The following MAN2B2 variants were observed in gnomAD, a reference collection of about 807,000 sequenced individuals.
The protein encoded by MAN2B2 is mannosidase alpha class 2B member 2.
Under a neutral mutation model 117.1 loss-of-function variants are expected in MAN2B2, and 106 were observed. The ratio of observed to expected loss-of-function variants is 0.90; its 90% CI spans 0.77 to 1.06. The LOEUF (loss-of-function observed/expected upper bound fraction) is 1.06. Among genes scored for constraint, MAN2B2 ranks in the 50% least tolerant of loss-of-function variants. The pLI is 0.00. For missense variants in MAN2B2, 1,326 were observed against 1,381.4 expected (o/e 0.96, Z 0.64); for synonymous variants, 544 against 595.1 (o/e 0.91, Z 1.25).
chr4:6,583,400 A>G (rs1465267225), intron 3 of MAN2B2, among the ~76,000 whole-genome samples: 1 of 152,106 alleles, frequency 6.6e-6, no homozygotes, highest in Non-Finnish European at 1.5e-5. Context: ...TTGCCCTGCT[A>G]AAACCAAGAA....
intron 7 of MAN2B2, among the ~76,000 whole-genome samples, chr4:6,596,425 G>A (rs1311165143): frequency 6.6e-6 from 1 of 152,138 alleles, no homozygotes; most frequent in Admixed American, 6.5e-5. Flanking sequence ...GCAAATCTGG[G>A]CACATCCCAG....
chr4:6,612,523 G>A (rs904102288), intron 15 of MAN2B2, among the ~76,000 whole-genome samples: 2 of 152,244 alleles, frequency 1.3e-5, no homozygotes, highest in Non-Finnish European at 2.9e-5. Flanking sequence ...GGTCCAGACA[G>A]GCATGGGGCA....
chr4:6,614,292 C>G lies in MAN2B2; in HGVS notation c.2638C>G (p.Leu880Val). The G allele has an allele frequency of 2.5e-6, 4 of 1,614,168 alleles. No individual in the cohort carries two copies. In the South Asian group the frequency reaches 3.3e-5, roughly 13 times the overall value. ...GCCCCCGAATCTTCACCTGCAGATC[C>G]TGAGCATCCCTGGCTGGCGCTACAG... Reference protein sequence around the residue: ...TLPPNLHLQILSIPGWRYSSN... With the variant: ...TLPPNLHLQIVSIPGWRYSSN... Residue 880 changes from leucine (L) to valine (V), a missense_variant, in exon 16 of 19, where the codon CTG becomes GTG. By Grantham distance (32) the Leu-to-Val change is conservative (BLOSUM62 1). Transcript: ENST00000285599.
intron 10 of MAN2B2, among the ~76,000 whole-genome samples, chr4:6,603,381 A>G (rs1475453362): frequency 1.3e-5 from 2 of 152,146 alleles, no homozygotes; most frequent in African/African-American, 2.4e-5. Context: ...GAGCGAGGCC[A>G]GGCCCCATCC....
At chr4:6,596,348 C>T (rs1029073415) in intron 7 of MAN2B2, among the ~76,000 whole-genome samples, 2 of 152,138 alleles carry the variant, frequency 1.3e-5, no homozygotes, top group Non-Finnish European at 2.9e-5. Flanking sequence ...GTGGCCTGTC[C>T]CCTGGGCCAT....
Position 6,575,364 on chromosome 4 carries a change from G to A in MAN2B2, c.138+16G>A, listed in dbSNP as rs774733400. On this transcript the variant is annotated intron_variant, in intron 1 of 18. Transcript: ENST00000285599. ...CACTGTGCAGGTAGGTGCCGACCAC[G>A]CCCCGCGCGCCCCTGAGGCTGCAGC... The A allele has an allele frequency of 6.7e-7, 1 of 1,486,300 alleles. No individual in the cohort carries two copies. The highest frequency in any genetic ancestry group is 1.3e-5 in the South Asian group (1 of 78,294). The allele number at this position is 1,486,300 out of a possible 1,614,324, so 92.1% of individuals were successfully genotyped here.
rs775040918 is a variant in MAN2B2 at position 6,619,917 on chromosome 4, C to T, written c.2815-10C>T. ...TGCAGCTCACTCTCCCTCTGCTCCT[C>T]TCCCTGCAGGCTGTGCTGCAGGCGC... On this transcript the variant is annotated splice_polypyrimidine_tract_variant and intron_variant, in intron 17 of 18. Coordinates refer to ENST00000285599, the MANE Select transcript of MAN2B2 (RefSeq NM_015274.3). 7 of 1,611,542 alleles carry T rather than the reference C, an allele frequency of 4.3e-6. No individual in the cohort carries two copies. The highest frequency in any genetic ancestry group is 1.3e-5 in the African/African-American group (1 of 74,884).
At chr4:6,595,589 T>G (rs921753770) in intron 7 of MAN2B2, among the ~76,000 whole-genome samples, 1 of 152,234 alleles carries the variant, frequency 6.6e-6, no homozygotes, top group African/African-American at 2.4e-5. Context: ...TTGAACTTGC[T>G]TTTCTAACAA....
At chr4:6,612,268 T>A (rs1245832439) in intron 15 of MAN2B2, among the ~76,000 whole-genome samples, 1 of 152,166 alleles carries the variant, frequency 6.6e-6, no homozygotes, top group Non-Finnish European at 1.5e-5. Context: ...AGAGTTTTCC[T>A]GGGCTGTTGG....
At position 6,622,018 on chromosome 4, in the gene MAN2B2, C is replaced by T. The variant is rs1712198653; in HGVS notation, c.*733C>T. 6.6e-6 allele frequency: 1 copy of T among 152,278 alleles called. No individual in the cohort carries two copies. The highest frequency in any genetic ancestry group is 1.5e-5 in the Non-Finnish European group (1 of 68,060). The allele number at this position is 152,278 out of a possible 1,614,324, so 9.4% of individuals were successfully genotyped here. On this transcript the variant is annotated 3_prime_UTR_variant, in exon 19 of 19. Transcript: ENST00000285599. The stretch of plus-strand genomic sequence containing the variant: ...TGCTCCCGCGTTCATAGCAGCATTA[C>T]TCAAAAGTCAAACGGTAGCAACAAC...
chr4:6,613,052 G>T (rs1711653950), intron 15 of MAN2B2, among the ~76,000 whole-genome samples: 1 of 152,212 alleles, frequency 6.6e-6, no homozygotes, highest in African/African-American at 2.4e-5. Flanking sequence ...CACTCAAAAG[G>T]ACCTAAGACT....
At chr4:6,578,737 A>G (rs996439029) in intron 3 of MAN2B2, among the ~76,000 whole-genome samples, 1 of 152,104 alleles carries the variant, frequency 6.6e-6, no homozygotes, top group African/African-American at 2.4e-5. Context: ...GGCTCTGCCA[A>G]TTCCCTCCTC....
intron 5 of MAN2B2, 105 bp downstream of exon 5, chr4:6,589,265 A>C: frequency 1.1e-6 from 1 of 870,652 alleles, no homozygotes; most frequent in Non-Finnish European, 1.8e-6. Context: ...TTAAGACAAG[A>C]GCTTCTGCTC....
chr4:6,613,472 G>A (rs1459414552), intron 15 of MAN2B2, among the ~76,000 whole-genome samples: 3 of 152,058 alleles, frequency 2.0e-5, no homozygotes, highest in Non-Finnish European at 2.9e-5. Context: ...CTACTTGGGA[G>A]GCTGAGGTGG....
At position 6,614,245 on chromosome 4, in the gene MAN2B2, A is replaced by G. The variant is rs752192717; in HGVS notation, c.2591A>G (p.Gln864Arg). The change falls in exon 16 of 19, where the codon CAG (glutamine) becomes CGG (arginine). Residue 864 changes from glutamine (Q) to arginine (R), a missense_variant. Transcript: ENST00000285599. ...ACTGCGCCGAAGCTCCCAGGACCCC[A>G]GCAGCAAGAGGCCGTGACGCTGCCC... The part of the protein sequence containing the change: ...AGTAPKLPGP[Q>R]QQEAVTLPPN... The G allele has an allele frequency of 2.2e-5, 36 of 1,614,126 alleles. No homozygotes were observed. Among genetic ancestry groups the G allele is most frequent in the Non-Finnish European group, 3.1e-5 (36 of 1,179,992 alleles).
At chr4:6,620,989 G>T in intron 18 of MAN2B2, 199 bp from the exon 19 acceptor site, 1 of 543,370 alleles carries the variant, frequency 1.8e-6, no homozygotes, top group Non-Finnish European at 3.3e-6. Flanking sequence ...CCGTTGCCAC[G>T]GTGGGAGCCA....
chr4:6,610,135 A>T, intron 13 of MAN2B2, 85 bp downstream of exon 13: 1 of 1,532,836 alleles, frequency 6.5e-7, no homozygotes, highest in Non-Finnish European at 8.9e-7. Flanking sequence ...AGTAGAGGCC[A>T]GTAGAGGCCT....
rs1727336333 is a variant in MAN2B2, at chr4:6,601,664, C to T, written c.1539+908C>T. Among the ~76,000 whole-genome samples the T allele has an allele frequency of 3.9e-5, 6 of 152,204 alleles. No individual in the cohort carries two copies. In the South Asian group the frequency reaches 1.2e-3, roughly 32 times the overall value. ...CTATGGGCCTTGCCAGAAGGCACCT[C>T]CACAGCATAAGCTCAGATAAGGTTG... is the stretch of plus-strand genomic sequence containing the variant. On this transcript the variant is annotated intron_variant, in intron 10 of 18. Coordinates refer to ENST00000285599, the MANE Select transcript of MAN2B2 (RefSeq NM_015274.3).
At chr4:6,584,950 G>C (rs1002768273) in intron 3 of MAN2B2, among the ~76,000 whole-genome samples, 1 of 152,126 alleles carries the variant, frequency 6.6e-6, no homozygotes, top group Non-Finnish European at 1.5e-5. Context: ...GCCCTGTCTG[G>C]TGCGAGGCCG....
Sources: allele counts gnomAD v4.1 joint callset (sites outside exome capture counted in the v4.1 genomes callset), GRCh38; gene constraint gnomAD v4.1.1; transcripts MANE v1.5; gene names NCBI Gene and HGNC (gene_info 2026-07-23, HGNC 2026-07-21).